Variants in BICD2 observed in about 807,000 individuals in gnomAD.
The protein encoded by BICD2 is protein bicaudal D homolog 2.
Under a neutral mutation model 72.9 loss-of-function variants are expected in BICD2, and 25 were observed. That is an observed-to-expected ratio of 0.34 (90% CI 0.25 to 0.48). The LOEUF (loss-of-function observed/expected upper bound fraction) is 0.48. Among genes scored for constraint, BICD2 ranks in the 20% least tolerant of loss-of-function variants. The pLI is 0.99. For missense variants in BICD2, 894 were observed against 1,175.2 expected (o/e 0.76, Z 3.50); for synonymous variants, 501 against 516.1 (o/e 0.97, Z 0.40).
In BICD2 at chr9:92,714,776, A is replaced by G; in HGVS notation, c.*378T>C. ...ACATGCGAGGAACATGCAAGTCTCA[A>G]CTCAGGTTCTGCCCCTTTTGGGTGC... On this transcript the variant is annotated 3_prime_UTR_variant, in exon 7 of 7. Transcript: ENST00000356884. The G allele has an allele frequency of 9.7e-7, 1 of 1,029,920 alleles. No homozygotes were observed. The highest frequency in any genetic ancestry group is 1.2e-6 in the Non-Finnish European group (1 of 859,566). The allele number at this position is 1,029,920 out of a possible 1,614,324, so 63.8% of individuals were successfully genotyped here.
rs546884770 is a variant in BICD2, at chr9:92,719,130, C to T, written c.1515G>A (p.Glu505=). Residue 505 remains glutamate (E), a synonymous_variant, in exon 5 of 7, where the codon GAG becomes GAA. Transcript: ENST00000356884. The part of the protein sequence containing the change: ...DRELLARLEK[E]LKKVSDVAGE... ...CGGCGACGTCGCTCACCTTCTTTAG[C>T]TCCTTCTCCAGCCGGGCCAGCAGCT... 2 of 1,612,546 alleles carry T rather than the reference C, an allele frequency of 1.2e-6. No homozygotes were observed. Among genetic ancestry groups the T allele is most frequent in the African/African-American group, 1.3e-5 (1 of 75,060 alleles).
rs2131496358 is a variant in BICD2 at position 92,715,423 on chromosome 9, G to T, written c.2299C>A (p.Gln767Lys). ...YITQLDEMQR[Q>K]LAAAEDEKKT... is the part of the protein sequence containing the mutation. ...TTCTCGTCCTCAGCAGCCGCCAGCT[G>T]CCGCTGCATCTCATCCAGCTGTGTA... The change falls in exon 7 of 7, where the codon CAG (glutamine) becomes AAG (lysine). Residue 767 changes from glutamine (Q) to lysine (K), a missense_variant. Coordinates refer to ENST00000356884, the MANE Select transcript of BICD2 (RefSeq NM_001003800.2). 1.2e-6 allele frequency: 2 copies of T among 1,604,268 alleles called. No homozygotes were observed. The highest frequency in any genetic ancestry group is 2.2e-5 in the South Asian group (2 of 90,736).
chr9:92,715,142 G>A lies in BICD2; in HGVS notation c.*12C>T, dbSNP rs202007528. On this transcript the variant is annotated 3_prime_UTR_variant, in exon 7 of 7. Coordinates refer to ENST00000356884, the MANE Select transcript of BICD2 (RefSeq NM_001003800.2). Reference sequence around the variant, plus strand: ...GCAGATGTTAGCTGCAGCGTGCGGCGCCCCACAGCCCCTAATCACAGTAAA... The same window carrying A: ...GCAGATGTTAGCTGCAGCGTGCGGCACCCCACAGCCCCTAATCACAGTAAA... The A allele has an allele frequency of 3.1e-5, 49 of 1,558,222 alleles. 1 individual carries two copies. Among genetic ancestry groups the A allele is most frequent in the Middle Eastern group, 4.2e-4 (2 of 4,784 alleles).
At chr9:92,756,032 CCTCA>C (rs1854248184) in intron 1 of BICD2, among the ~76,000 whole-genome samples, 1 of 152,168 alleles carries the variant, frequency 6.6e-6, no homozygotes. Context: ...TATGAGTGGT[CCTCA>C]CTATGACCTC....
rs762717269 is a variant in BICD2 at position 92,715,278 on chromosome 9, G to C, written c.2444C>G (p.Pro815Arg). ...GCTCGGTGTGGCTGGCTTGGTCTTC[G>C]GGGCGGCTTTGGCACGGCCACGCCG... Reference protein sequence around the residue: ...QTRRGRAKAAPKTKPATPSVS... With the variant: ...QTRRGRAKAARKTKPATPSVS... Residue 815 changes from proline (P) to arginine (R), a missense_variant, in exon 7 of 7, where the codon CCG becomes CGG. Coordinates refer to ENST00000356884, the MANE Select transcript of BICD2 (RefSeq NM_001003800.2). The C allele has an allele frequency of 1.2e-6, 2 of 1,612,766 alleles. No homozygotes were observed. The highest frequency in any genetic ancestry group is 1.7e-6 in the Non-Finnish European group (2 of 1,179,840).
intron 1 of BICD2, among the ~76,000 whole-genome samples, chr9:92,738,063 G>A (rs1853824344): frequency 6.6e-6 from 1 of 152,236 alleles, no homozygotes; most frequent in African/African-American, 2.4e-5. Flanking sequence ...GGCACAGCAG[G>A]AGAGCCAACG....
intron 2 of BICD2, among the ~76,000 whole-genome samples, chr9:92,728,728 C>T (rs1038964486): frequency 6.6e-6 from 1 of 152,250 alleles, no homozygotes; most frequent in Non-Finnish European, 1.5e-5. Context: ...GCTAACTGCA[C>T]CCCTCCCTGA....
chr9:92,730,747 A>C lies in BICD2; in HGVS notation c.241-1511T>G, dbSNP rs545994134. 3.9e-5 allele frequency among the ~76,000 whole-genome samples: 6 copies of C among 152,292 alleles called. No homozygotes were observed. The South Asian group carries it at 1.2e-3, about 32-fold the overall frequency. On this transcript the variant is annotated intron_variant, in intron 1 of 6. Coordinates refer to ENST00000356884, the MANE Select transcript of BICD2 (RefSeq NM_001003800.2). Reference sequence around the variant, plus strand: ...GCCCAGCAGGAAGACTGGTGCTGGCAATGGGACTGCACGGGGGGACTCGGG... The same window carrying C: ...GCCCAGCAGGAAGACTGGTGCTGGCCATGGGACTGCACGGGGGGACTCGGG...
At position 92,758,495 on chromosome 9, in the gene BICD2, T is replaced by C. The variant is rs550403184; in HGVS notation, c.240+6010A>G. On this transcript the variant is annotated intron_variant, in intron 1 of 6. Coordinates refer to ENST00000356884, the MANE Select transcript of BICD2 (RefSeq NM_001003800.2). ...TGAACTCGGGAAGCAGAGGTTACAGTGAGCCAAGATCGAGCTACTGTACTC... is the reference window on the plus strand; with the variant it reads ...TGAACTCGGGAAGCAGAGGTTACAGCGAGCCAAGATCGAGCTACTGTACTC... Among the ~76,000 whole-genome samples, 388 of 139,908 alleles carry C rather than the reference T, an allele frequency of 2.8e-3. 5 individuals carry two copies. The highest frequency in any genetic ancestry group is 9.8e-3 in the African/African-American group (361 of 36,924). 91.8% of individuals were successfully genotyped at this position (139,908 alleles called of 152,430 possible).
At chr9:92,749,734 C>T (rs1471748700) in intron 1 of BICD2, among the ~76,000 whole-genome samples, 1 of 152,226 alleles carries the variant, frequency 6.6e-6, no homozygotes, top group Non-Finnish European at 1.5e-5. Flanking sequence ...GCAAAGGTCC[C>T]CACAGACCCT....
At chr9:92,732,256 T>C (rs149865789) in intron 1 of BICD2, among the ~76,000 whole-genome samples, 217 of 151,286 alleles carry the variant, frequency 1.4e-3, no homozygotes, top group Non-Finnish European at 2.5e-3. Context: ...CTATCCAAAA[T>C]GAAACACAGA....
chr9:92,717,297 C>A (rs1036616095), intron 6 of BICD2, among the ~76,000 whole-genome samples: 1 of 152,226 alleles, frequency 6.6e-6, no homozygotes, highest in East Asian at 1.9e-4. Context: ...AGCCCTTCTG[C>A]CCTCAGTCTC....
At position 92,749,585 on chromosome 9, in the gene BICD2, C is replaced by T. The variant is rs570655012; in HGVS notation, c.240+14920G>A. On this transcript the variant is annotated intron_variant, in intron 1 of 6. Coordinates refer to ENST00000356884, the MANE Select transcript of BICD2 (RefSeq NM_001003800.2). ...AGCTGCCCTGGGCAACGTCCAAATG[C>T]TAAGCTGCTTTTAGAAAACTGGGAA... Among the ~76,000 whole-genome samples the T allele has an allele frequency of 1.6e-3, 251 of 152,340 alleles. 2 individuals are homozygous for T. The highest frequency in any genetic ancestry group is 0.01 in the Middle Eastern group (3 of 294).
At position 92,720,303 on chromosome 9, in the gene BICD2, C is replaced by A; in HGVS notation, c.1059G>T (p.Met353Ile). ...GAAGGCCCCACTGCCTGCTCACCTG[C>A]ATCAGCTGCTGCTTCAGCTTCTGGA... ...SEIQKLKQQL[M>I]QMEREKAGLL... The change falls in exon 4 of 7, where the codon ATG becomes ATT. Residue 353 changes from methionine to isoleucine, a missense_variant. By Grantham distance (10) the Met-to-Ile change is conservative (BLOSUM62 1). Transcript: ENST00000356884. The surrounding 1 kb of genome is among the most constrained non-coding windows in gnomAD (Gnocchi z 5.4). 6.2e-7 allele frequency: 1 copy of A among 1,607,486 alleles called. No homozygotes were observed. The highest frequency in any genetic ancestry group is 1.1e-5 in the South Asian group (1 of 90,388).
rs543892400 is a variant in BICD2 at position 92,752,057 on chromosome 9, G to A, written c.240+12448C>T. 1.5e-4 allele frequency among the ~76,000 whole-genome samples: 23 copies of A among 152,136 alleles called. No individual in the cohort carries two copies. In the South Asian group the frequency reaches 3.9e-3, roughly 26 times the overall value. On this transcript the variant is annotated intron_variant, in intron 1 of 6. Transcript: ENST00000356884. ...TAACCTCACGTGATCCACCCGCCTC[G>A]GCCTCCCAAAGTGCTGGGATTACAG...
chr9:92,743,780 A>G (rs1853947289), intron 1 of BICD2, among the ~76,000 whole-genome samples: 1 of 152,162 alleles, frequency 6.6e-6, no homozygotes, highest in African/African-American at 2.4e-5. Context: ...CTGAATATAT[A>G]AAGATCTCCT....
At chr9:92,763,625 A>G (rs893671289) in intron 1 of BICD2, among the ~76,000 whole-genome samples, 2 of 152,160 alleles carry the variant, frequency 1.3e-5, no homozygotes, top group Non-Finnish European at 2.9e-5. Flanking sequence ...ACGGGAGAAG[A>G]GAAGCTGGGG....
At chr9:92,744,126 C>T (rs1587685065) in intron 1 of BICD2, among the ~76,000 whole-genome samples, 1 of 152,268 alleles carries the variant, frequency 6.6e-6, no homozygotes, top group South Asian at 2.1e-4. Flanking sequence ...CTAACAGCTC[C>T]AAGCTGAAAA....
chr9:92,728,900 A>G (rs1393324622), intron 2 of BICD2, 124 bp downstream of exon 2: 2 of 1,066,828 alleles, frequency 1.9e-6, no homozygotes, highest in Non-Finnish European at 2.7e-6. Context: ...GGAAAGCAAG[A>G]CAGACCAGCC....
Sources: allele counts gnomAD v4.1 joint callset (sites outside exome capture counted in the v4.1 genomes callset), GRCh38; gene constraint gnomAD v4.1.1; non-coding constraint Gnocchi (gnomAD v3.1); transcripts MANE v1.5; gene names NCBI Gene and HGNC (gene_info 2026-07-23, HGNC 2026-07-21).